Variants in AGO3 observed in about 807,000 individuals in gnomAD.
The protein encoded by AGO3 is protein argonaute-3.
A neutral mutation model predicts 105.5 loss-of-function variants in AGO3; 16 were observed. That is an observed-to-expected ratio of 0.15 (90% CI 0.10 to 0.23). The LOEUF is 0.23. Ranked by LOEUF, AGO3 falls within the 10% of genes least tolerant of loss-of-function variation. The pLI is 1.00. For missense variants in AGO3, 534 were observed against 1,088.0 expected (o/e 0.49, Z 7.16); for synonymous variants, 340 against 367.3 (o/e 0.93, Z 0.85).
intron 2 of AGO3, among the ~76,000 whole-genome samples, chr1:35,947,824 G>A (rs1646395447): frequency 6.6e-6 from 1 of 152,028 alleles, no homozygotes; most frequent in African/African-American, 2.4e-5. Context: ...CCTTTTTCTT[G>A]TTTCTCAAAA....
intron 11 of AGO3, among the ~76,000 whole-genome samples, chr1:36,024,744 C>T (rs1430172196): frequency 6.6e-6 from 1 of 152,102 alleles, no homozygotes; most frequent in South Asian, 2.1e-4. Flanking sequence ...AGTGCAATGG[C>T]GTGATCTCGG....
intron 5 of AGO3, among the ~76,000 whole-genome samples, chr1:35,974,614 C>T (rs1646924750): frequency 6.6e-6 from 1 of 152,110 alleles, no homozygotes; most frequent in African/African-American, 2.4e-5. Context: ...AAATCAGTCT[C>T]TAGGTTCAGA....
At chr1:36,001,839 C>T (rs904973981) in intron 5 of AGO3, among the ~76,000 whole-genome samples, 2 of 151,860 alleles carry the variant, frequency 1.3e-5, no homozygotes, top group African/African-American at 2.4e-5. Flanking sequence ...CTATTTGGAG[C>T]GAGGAGGTTC....
At chr1:35,987,427 A>G (rs1332064929) in intron 5 of AGO3, among the ~76,000 whole-genome samples, 1 of 151,916 alleles carries the variant, frequency 6.6e-6, no homozygotes, top group African/African-American at 2.4e-5. Context: ...CAGGAGACGG[A>G]GGTTGCAGTG....
chr1:36,039,961 G>A lies in AGO3; in HGVS notation c.2014G>A (p.Val672Ile). 1.2e-6 allele frequency: 2 copies of A among 1,613,128 alleles called. No individual in the cohort carries two copies. Among genetic ancestry groups the A allele is most frequent in the Non-Finnish European group, 1.7e-6 (2 of 1,179,596 alleles). ...TCGTATCATCTTTTATCGGGATGGT[G>A]TTTCAGAGGGGCAGTTTAGGCAGGT... The part of the protein sequence containing the change: ...PTRIIFYRDG[V>I]SEGQFRQVLY... Residue 672 changes from valine to isoleucine, a missense_variant, in exon 15 of 19, where the codon GTT (valine) becomes ATT (isoleucine). By Grantham distance (29) the Val-to-Ile change is conservative (BLOSUM62 3). Coordinates refer to ENST00000373191, the MANE Select transcript of AGO3 (RefSeq NM_024852.4).
chr1:35,975,044 T>C (rs1166597723), intron 5 of AGO3, among the ~76,000 whole-genome samples: 2 of 152,140 alleles, frequency 1.3e-5, no homozygotes, highest in Non-Finnish European at 2.9e-5. Flanking sequence ...TATACTAGGG[T>C]TATTTTTAAC....
intron 2 of AGO3, among the ~76,000 whole-genome samples, chr1:35,963,777 G>T (rs980288999): frequency 6.6e-6 from 1 of 152,128 alleles, no homozygotes; most frequent in Non-Finnish European, 1.5e-5. Flanking sequence ...GAAAGTAAAG[G>T]ACTAGTATAA....
intron 3 of AGO3, among the ~76,000 whole-genome samples, chr1:35,969,642 C>T (rs1646832237): frequency 6.6e-6 from 1 of 152,134 alleles, no homozygotes; most frequent in South Asian, 2.1e-4. Context: ...GGAATACAAT[C>T]CTGCATCACC....
chr1:35,965,987 G>A (rs1646767817), intron 2 of AGO3, among the ~76,000 whole-genome samples: 1 of 151,858 alleles, frequency 6.6e-6, no homozygotes, highest in East Asian at 1.9e-4. Context: ...CACTGTACCC[G>A]GCTAATTTTG....
At chr1:36,000,411 G>A (rs939754029) in intron 5 of AGO3, among the ~76,000 whole-genome samples, 1 of 152,116 alleles carries the variant, frequency 6.6e-6, no homozygotes, top group African/African-American at 2.4e-5. Context: ...ATGATTCAGA[G>A]TGTAGTGGAA....
chr1:36,009,339 T>G lies in AGO3; in HGVS notation c.1030-136T>G. On this transcript the variant is annotated intron_variant, in intron 8 of 18. Transcript: ENST00000373191. ...ACTGTAGAGCTGTCTTGTTTACTAC[T>G]TTTTTACTTAACATATTGAAAATAA... is the stretch of plus-strand genomic sequence containing the variant. The G allele has an allele frequency of 2.8e-6, 3 of 1,069,090 alleles. No individual in the cohort carries two copies. The South Asian group carries it at 5.5e-5, about 20-fold the overall frequency. The allele number at this position is 1,069,090 out of a possible 1,614,324, so 66.2% of individuals were successfully genotyped here. A position where few individuals can be genotyped will look rare whatever the true frequency, so the allele number is the denominator to read the frequency against.
upstream of AGO3, chr1:35,930,809 C>A (rs1646024965): frequency 1.2e-5 from 2 of 170,428 alleles, no homozygotes; most frequent in East Asian, 1.6e-4. Flanking sequence ...GTAGGCTACT[C>A]CTCAGGTAAG....
intron 14 of AGO3, among the ~76,000 whole-genome samples, chr1:36,036,606 A>T (rs1156400527): frequency 6.6e-6 from 1 of 152,220 alleles, no homozygotes; most frequent in African/African-American, 2.4e-5. Context: ...TACACTACAT[A>T]TAAGCTTGGT....
chr1:36,044,846 G>C (rs1642398092), intron 17 of AGO3, among the ~76,000 whole-genome samples: 1 of 152,172 alleles, frequency 6.6e-6, no homozygotes, highest in Non-Finnish European at 1.5e-5. Context: ...TTAAATCAGT[G>C]CATCTCAAAC....
chr1:36,052,782 C>A (rs1013236264), intron 17 of AGO3, among the ~76,000 whole-genome samples: 2 of 151,948 alleles, frequency 1.3e-5, no homozygotes, highest in Non-Finnish European at 2.9e-5. Flanking sequence ...GAGGCCGAGG[C>A]GAGTGGATTG....
At chr1:36,005,329 A>G (rs1640286288) in intron 6 of AGO3, among the ~76,000 whole-genome samples, 1 of 152,172 alleles carries the variant, frequency 6.6e-6, no homozygotes, top group Non-Finnish European at 1.5e-5. Flanking sequence ...CAATTAGAGT[A>G]GTTTAATACA....
At chr1:35,946,682 T>A (rs920615689) in intron 2 of AGO3, among the ~76,000 whole-genome samples, 1 of 152,200 alleles carries the variant, frequency 6.6e-6, no homozygotes, top group Admixed American at 6.5e-5. Flanking sequence ...ATGTAAGAAG[T>A]ATGAAGGTCT....
At position 36,055,872 on chromosome 1, in the gene AGO3, A is replaced by G; in HGVS notation, c.*127A>G. 2.6e-6 allele frequency: 2 copies of G among 780,058 alleles called. No homozygotes were observed. Among genetic ancestry groups the G allele is most frequent in the Admixed American group, 2.4e-5 (1 of 40,854 alleles). 48.3% of individuals were successfully genotyped at this position (780,058 alleles called of 1,614,324 possible). ...CAGAAACCAACACTGTGTGGGGGCC[A>G]AGGTCTGATCCTTATGTTAATACAA... On this transcript the variant is annotated 3_prime_UTR_variant, in exon 19 of 19. Coordinates refer to ENST00000373191, the MANE Select transcript of AGO3 (RefSeq NM_024852.4). This position sits in a 1 kb window ranked among gnomAD's most constrained non-coding sequence, Gnocchi z 4.4.
At position 36,055,900 on chromosome 1, in the gene AGO3, A is replaced by ATC; in HGVS notation, c.*155_*156insTC. On this transcript the variant is annotated 3_prime_UTR_variant, in exon 19 of 19. Coordinates refer to ENST00000373191, the MANE Select transcript of AGO3 (RefSeq NM_024852.4). This position sits in a 1 kb window ranked among gnomAD's most constrained non-coding sequence, Gnocchi z 4.4. Reference sequence around the variant, plus strand: ...GTCTGATCCTTATGTTAATACAAGGAAGATTGTTTACTTCATCAAGGAACA... The same window carrying ATC: ...GTCTGATCCTTATGTTAATACAAGGATCAGATTGTTTACTTCATCAAGGAACA... 1 of 624,920 alleles carries ATC rather than the reference A, an allele frequency of 1.6e-6. No homozygotes were observed. Among genetic ancestry groups the ATC allele is most frequent in the Non-Finnish European group, 2.7e-6 (1 of 366,886 alleles). 38.7% of individuals were successfully genotyped at this position (624,920 alleles called of 1,614,324 possible).
Sources: allele counts gnomAD v4.1 joint callset (sites outside exome capture counted in the v4.1 genomes callset), GRCh38; gene constraint gnomAD v4.1.1; non-coding constraint Gnocchi (gnomAD v3.1); transcripts MANE v1.5; gene names NCBI Gene and HGNC (gene_info 2026-07-23, HGNC 2026-07-21).